The following MAST4 variants were observed in gnomAD, a reference collection of about 807,000 sequenced individuals.
The protein encoded by MAST4 is microtubule associated serine/threonine kinase family member 4, also known as microtubule-associated serine/threonine-protein kinase 4.
A neutral mutation model predicts 162.7 loss-of-function variants in MAST4; 89 were observed. That is an observed-to-expected ratio of 0.55 (90% confidence interval 0.46 to 0.65). The LOEUF is 0.65. MAST4 is among the 30% of genes least tolerant of loss of function. The pLI is 0.00. For missense variants in MAST4, 3,153 were observed against 3,374.0 expected (o/e 0.93, Z 1.62); for synonymous variants, 1,479 against 1,361.1 (o/e 1.09, Z -1.91).
intron 1 of MAST4, among the ~76,000 whole-genome samples, chr5:66,729,556 A>G (rs977765501): frequency 1.3e-5 from 2 of 152,074 alleles, no homozygotes; most frequent in Non-Finnish European, 2.9e-5. Flanking sequence ...ATCATTCTCT[A>G]TTGATTTATA....
chr5:67,026,552 A>C (rs1260466627), intron 4 of MAST4, among the ~76,000 whole-genome samples: 8 of 152,248 alleles, frequency 5.3e-5, no homozygotes, highest in Non-Finnish European at 8.8e-5. Flanking sequence ...TCAGGTTATA[A>C]GATCCTCTAC....
intron 4 of MAST4, among the ~76,000 whole-genome samples, chr5:66,991,120 A>T (rs1002049175): frequency 2.6e-5 from 4 of 152,196 alleles, no homozygotes; most frequent in Non-Finnish European, 4.4e-5. Context: ...CAGTCTGCTG[A>T]TACTTTGCCA....
chr5:66,963,464 CAAAGA>C (rs1048627582), intron 4 of MAST4, among the ~76,000 whole-genome samples: 10 of 152,004 alleles, frequency 6.6e-5, no homozygotes, highest in South Asian at 6.2e-4. Flanking sequence ...TGCTTTGTGA[CAAAGA>C]AAAGGCTCAA....
intron 4 of MAST4, chr5:66,959,266 A>C (rs1745703006): frequency 2.6e-6 from 2 of 779,750 alleles, no homozygotes; most frequent in Non-Finnish European, 4.8e-6. Flanking sequence ...CCAGCGGGAA[A>C]GGCTACAGAT....
rs148314302 is a variant in MAST4 at position 66,699,230 on chromosome 5, C to T, written c.364-60479C>T. ...GCTGTTATTTCTTCCTTAAATGTTC[C>T]CTTCCTTAGATCTTATAGTCACACC... On this transcript the variant is annotated intron_variant, in intron 1 of 28. Transcript: ENST00000403625. 2.0e-4 allele frequency among the ~76,000 whole-genome samples: 30 copies of T among 152,262 alleles called. No individual in the cohort carries two copies. In the East Asian group the frequency reaches 5.6e-3, roughly 28 times the overall value.
rs756562616 is a variant in MAST4 at position 67,165,045 on chromosome 5, C to T, written c.5866C>T (p.Pro1956Ser). ...CCCTGACCTGGCCAGGCCACGCTGC[C>T]CGCTCCCACCTGAAGCTTCCCCCTC... ...HSPDLARPRC[P>S]LPPEASPSRE... Residue 1956 changes from proline to serine, a missense_variant, in exon 29 of 29, where the codon CCG becomes TCG. Pro to Ser is a moderately conservative substitution (Grantham distance 74). Around this residue, in one of 7 missense-constraint regions of MAST4, gnomAD observed 1,644 missense variants for 1,495.0 expected, o/e 1.10. Coordinates refer to ENST00000403625, the MANE Select transcript of MAST4 (RefSeq NM_001164664.2). 6.2e-7 allele frequency: 1 copy of T among 1,607,654 alleles called. No individual in the cohort carries two copies. The highest frequency in any genetic ancestry group is 8.5e-7 in the Non-Finnish European group (1 of 1,177,012).
chr5:66,698,261 A>G (rs145190415), intron 1 of MAST4, among the ~76,000 whole-genome samples: 21 of 151,894 alleles, frequency 1.4e-4, no homozygotes, highest in African/African-American at 4.1e-4. Flanking sequence ...TGAGTAATCA[A>G]TCTCACTGGT....
At chr5:67,033,454 T>A (rs1044278972) in intron 4 of MAST4, among the ~76,000 whole-genome samples, 1 of 150,400 alleles carries the variant, frequency 6.6e-6, no homozygotes, top group African/African-American at 2.4e-5. Context: ...TATTGCAACA[T>A]AGGCATAGGC....
rs570794759 is a variant in MAST4 at position 67,104,387 on chromosome 5, C to A, written c.1168C>A (p.Arg390Ser). The change falls in exon 10 of 29, where the codon CGT (arginine) becomes AGT (serine). Residue 390 changes from arginine to serine, a missense_variant. Coordinates refer to ENST00000403625, the MANE Select transcript of MAST4 (RefSeq NM_001164664.2). ...FPKATAQMEE[R>S]LKEIITSYSP... The stretch of plus-strand genomic sequence containing the variant: ...ATAGGCTACAGCTCAGATGGAAGAA[C>A]GTCTAAAGGAAATTATCACCAGCTA... 1.2e-6 allele frequency: 2 copies of A among 1,613,632 alleles called. No homozygotes were observed. The highest frequency in any genetic ancestry group is 1.7e-6 in the Non-Finnish European group (2 of 1,179,606).
At chr5:66,650,694 G>A (rs1280495075) in intron 1 of MAST4, among the ~76,000 whole-genome samples, 2 of 152,108 alleles carry the variant, frequency 1.3e-5, no homozygotes, top group Non-Finnish European at 2.9e-5. Flanking sequence ...GTATATCAGT[G>A]GGTTAGCCCA....
intron 3 of MAST4, among the ~76,000 whole-genome samples, chr5:66,895,481 T>C (rs1164369495): frequency 1.3e-5 from 2 of 152,166 alleles, no homozygotes; most frequent in African/African-American, 4.8e-5. Flanking sequence ...TTGGAATTCT[T>C]ACAGACAGAC....
intron 3 of MAST4, among the ~76,000 whole-genome samples, chr5:66,848,716 A>G (rs962882883): frequency 3.9e-5 from 6 of 151,994 alleles, no homozygotes; most frequent in Admixed American, 3.9e-4. Context: ...AAAATTCTCT[A>G]TTTCTTTTCC....
At chr5:66,935,483 T>G (rs1322426963) in intron 4 of MAST4, among the ~76,000 whole-genome samples, 2 of 152,042 alleles carry the variant, frequency 1.3e-5, no homozygotes, top group African/African-American at 2.4e-5. Context: ...TTAAATTCCC[T>G]CAGCTGTCGT....
intron 2 of MAST4, among the ~76,000 whole-genome samples, chr5:66,778,869 T>C (rs867447374): frequency 6.6e-6 from 1 of 152,234 alleles, no homozygotes; most frequent in Non-Finnish European, 1.5e-5. Flanking sequence ...TAGACATGTA[T>C]GTTCTGTTGT....
At chr5:66,652,274 G>A (rs1746276115) in intron 1 of MAST4, among the ~76,000 whole-genome samples, 1 of 152,110 alleles carries the variant, frequency 6.6e-6, no homozygotes, top group Non-Finnish European at 1.5e-5. Context: ...AAACTCTGAG[G>A]TCAAAGCAAA....
chr5:66,644,479 A>G (rs937821805), intron 1 of MAST4, among the ~76,000 whole-genome samples: 1 of 152,254 alleles, frequency 6.6e-6, no homozygotes, highest in African/African-American at 2.4e-5. Flanking sequence ...TGAGAGAGAA[A>G]TCTCTTTGGC....
At chr5:66,926,540 C>T (rs546144852) in intron 4 of MAST4, among the ~76,000 whole-genome samples, 5 of 150,400 alleles carry the variant, frequency 3.3e-5, no homozygotes, top group African/African-American at 7.3e-5. Context: ...GAGCAAGACT[C>T]CATATCTCTT....
At chr5:67,081,256 G>T (rs1160002258) in intron 5 of MAST4, among the ~76,000 whole-genome samples, 3 of 150,974 alleles carry the variant, frequency 2.0e-5, no homozygotes, top group Admixed American at 6.7e-5. Context: ...GATTTGGGGT[G>T]GGGGAGGTTA....
chr5:67,082,564 A>C (rs920693444), intron 5 of MAST4, among the ~76,000 whole-genome samples: 2 of 152,234 alleles, frequency 1.3e-5, no homozygotes, highest in Non-Finnish European at 2.9e-5. Flanking sequence ...TACTAAATCA[A>C]GAGAAGAGAA....
Sources: gnomAD v4.1 joint callset for allele counts (sites outside exome capture counted in the v4.1 genomes callset) on GRCh38, gnomAD v4.1.1 for gene constraint, gnomAD v4.1.1 regional missense constraint, MANE v1.5 for transcripts, NCBI Gene and HGNC (gene_info 2026-07-23, HGNC 2026-07-21) for gene names.